DNAJB14: variants seen among roughly 807,000 people sequenced by gnomAD.
The protein encoded by DNAJB14 is DnaJ heat shock protein family (Hsp40) member B14.
Under a neutral mutation model 48.4 loss-of-function variants are expected in DNAJB14, and 22 were observed. The ratio of observed to expected loss-of-function variants is 0.45; its 90% CI spans 0.32 to 0.65. DNAJB14 has a LOEUF of 0.65. DNAJB14 is among the 30% of genes least tolerant of loss of function. The probability of loss-of-function intolerance (pLI) is 0.03; values close to 1 mark genes in which losing one functional copy is unlikely to be tolerated. For synonymous variants in DNAJB14, 142 were observed against 158.7 expected (o/e 0.89, Z 0.79); for missense variants, 319 against 458.8 (o/e 0.70, Z 2.78).
chr4:99,945,565 G>T (rs1727038894), intron 1 of DNAJB14, among the ~76,000 whole-genome samples: 1 of 152,076 alleles, frequency 6.6e-6, no homozygotes, highest in African/African-American at 2.4e-5. Flanking sequence ...TCATTCATTC[G>T]CTAATTCATT....
chr4:99,937,925 A>T (rs1238529120), intron 1 of DNAJB14, among the ~76,000 whole-genome samples: 1 of 128,648 alleles, frequency 7.8e-6, no homozygotes, highest in African/African-American at 3.2e-5. Context: ...TATTTATTTA[A>T]AAAAAAAAAA....
rs1355510631 is a variant in DNAJB14, at chr4:99,923,270, A to G, written c.306-85T>C. ...CTAATTTTTAATTTATTAGAATACT[A>G]TAAAGAACTATCTGTGGACTCTTTC... On this transcript the variant is annotated intron_variant, in intron 2 of 7. Coordinates refer to ENST00000442697, the MANE Select transcript of DNAJB14 (RefSeq NM_001031723.4). 13 of 1,201,580 alleles carry G rather than the reference A, an allele frequency of 1.1e-5. No individual in the cohort carries two copies. In the South Asian group the frequency reaches 2.2e-4, roughly 21 times the overall value. 74.4% of individuals were successfully genotyped at this position (1,201,580 alleles called of 1,614,324 possible).
At chr4:99,908,965 A>G (rs1397437842) in intron 3 of DNAJB14, 69 bp from the exon 4 acceptor site, 2 of 1,143,034 alleles carry the variant, frequency 1.7e-6, no homozygotes, top group Non-Finnish European at 2.4e-6. Context: ...CCACATAAAA[A>G]CTAACATCAT....
intron 5 of DNAJB14, 28 bp downstream of exon 5, chr4:99,906,489 A>C (rs780363796): frequency 6.2e-7 from 1 of 1,602,034 alleles, no homozygotes; most frequent in South Asian, 1.1e-5. Context: ...GAAATTTGCC[A>C]TTTTGTGATT....
In DNAJB14 at chr4:99,931,606, C is replaced by T. The variant is rs553793483; in HGVS notation, c.134-985G>A. Among the ~76,000 whole-genome samples, 4 of 152,084 alleles carry T rather than the reference C, an allele frequency of 2.6e-5. No homozygotes were observed. In the South Asian group the frequency reaches 8.3e-4, roughly 32 times the overall value. On this transcript the variant is annotated intron_variant, in intron 1 of 7. Transcript: ENST00000442697. ...TCATTGAGGATACAGATGACTTAGACATCAAATTTATAAGCTTTATCTAAG... is the reference window on the plus strand; with the variant it reads ...TCATTGAGGATACAGATGACTTAGATATCAAATTTATAAGCTTTATCTAAG...
At position 99,927,935 on chromosome 4, in the gene DNAJB14, TAAGAG is replaced by T. The variant is rs1300716759; in HGVS notation, c.305+2510_305+2514del. 10 of 152,204 alleles carry T rather than the reference TAAGAG, an allele frequency of 6.6e-5. No homozygotes were observed. The East Asian group carries it at 1.9e-3, about 29-fold the overall frequency. The allele number at this position is 152,204 out of a possible 1,614,324, so 9.4% of individuals were successfully genotyped here. On this transcript the variant is annotated intron_variant, in intron 2 of 7. Coordinates refer to ENST00000442697, the MANE Select transcript of DNAJB14 (RefSeq NM_001031723.4). ...AAAGCAACACTTATGAAGGCTAATA[TAAGAG>T]AAAAGGTATATTCAGCTAAGAAACT...
intron 3 of DNAJB14, among the ~76,000 whole-genome samples, chr4:99,922,217 G>A (rs528919892): frequency 1.3e-5 from 2 of 152,186 alleles, no homozygotes; most frequent in South Asian, 2.1e-4. Context: ...CAATCTTAAC[G>A]GTATTTTCAT....
rs1560753285 is a variant in DNAJB14, at chr4:99,946,456, G to A, written c.116C>T (p.Pro39Leu). The A allele has an allele frequency of 6.2e-7, 1 of 1,613,166 alleles. No homozygotes were observed. Among genetic ancestry groups the A allele is most frequent in the Admixed American group, 1.7e-5 (1 of 59,960 alleles). The change falls in exon 1 of 8, where the codon CCA (proline) becomes CTA (leucine). Residue 39 changes from proline to leucine, a missense_variant. Physicochemically the swap from Pro to Leu is moderately conservative, Grantham distance 98. Transcript: ENST00000442697. ...RFLQKAEKLY[P>L]LPSARALLEI... ...GGTCTCACCGCGGGCCGAGGGCAGT[G>A]GGTAGAGCTTCTCGGCCTTCTGCAG... is the stretch of plus-strand genomic sequence containing the variant.
chr4:99,918,244 T>G (rs1190430126), intron 3 of DNAJB14, among the ~76,000 whole-genome samples: 1 of 152,228 alleles, frequency 6.6e-6, no homozygotes, highest in African/African-American at 2.4e-5. Flanking sequence ...TATCTGTCCA[T>G]TCTGCTGTTT....
intron 6 of DNAJB14, among the ~76,000 whole-genome samples, chr4:99,904,752 T>A (rs1388889036): frequency 6.6e-6 from 1 of 151,914 alleles, no homozygotes; most frequent in Non-Finnish European, 1.5e-5. Flanking sequence ...GTAAAGTATC[T>A]CAATTTTTTG....
At chr4:99,917,192 C>T (rs1248440969) in intron 3 of DNAJB14, among the ~76,000 whole-genome samples, 4 of 152,114 alleles carry the variant, frequency 2.6e-5, no homozygotes, top group Non-Finnish European at 4.4e-5. Flanking sequence ...CATCTAAAAC[C>T]TTATCAATGT....
chr4:99,932,442 A>C (rs1179180781), intron 1 of DNAJB14, among the ~76,000 whole-genome samples: 1 of 152,158 alleles, frequency 6.6e-6, no homozygotes, highest in African/African-American at 2.4e-5. Context: ...TTAGGGAAAT[A>C]AAAATCAAAA....
At chr4:99,933,219 C>T (rs1726543391) in intron 1 of DNAJB14, among the ~76,000 whole-genome samples, 1 of 150,670 alleles carries the variant, frequency 6.6e-6, no homozygotes, top group African/African-American at 2.4e-5. Context: ...TCAATAATGT[C>T]TCAATAAAGT....
Position 99,898,214 on chromosome 4 carries a change from C to T in DNAJB14, c.*2814G>A, listed in dbSNP as rs1302722799. ...GTTCCTATGAACACCTGAGCTGGCA[C>T]AAAAGCTGAGTAGTTTAATGCATTG... On this transcript the variant is annotated 3_prime_UTR_variant, in exon 8 of 8. Transcript: ENST00000442697. 2.0e-5 allele frequency: 3 copies of T among 151,954 alleles called. No individual in the cohort carries two copies. Among genetic ancestry groups the T allele is most frequent in the Non-Finnish European group, 2.9e-5 (2 of 67,860 alleles). The allele number at this position is 151,954 out of a possible 1,614,324, so 9.4% of individuals were successfully genotyped here. A position where few individuals can be genotyped will look rare whatever the true frequency, so the allele number is the denominator to read the frequency against.
At chr4:99,912,989 C>A (rs187768191) in intron 3 of DNAJB14, among the ~76,000 whole-genome samples, 6 of 152,174 alleles carry the variant, frequency 3.9e-5, no homozygotes, top group Non-Finnish European at 2.9e-5. Flanking sequence ...TCTAAATATT[C>A]ATTGCTAGTA....
At chr4:99,924,669 T>A (rs1726182825) in intron 2 of DNAJB14, 2 of 1,534,048 alleles carry the variant, frequency 1.3e-6, no homozygotes, top group Non-Finnish European at 1.8e-6. Context: ...AAGAGAATGA[T>A]CCCACCTGTG....
chr4:99,909,999 A>C (rs1455968248), intron 3 of DNAJB14, among the ~76,000 whole-genome samples: 1 of 152,078 alleles, frequency 6.6e-6, no homozygotes, highest in Non-Finnish European at 1.5e-5. Flanking sequence ...GCAATACAGA[A>C]TATTTTAAAA....
chr4:99,923,722 G>C, intron 2 of DNAJB14: 1 of 973,926 alleles, frequency 1.0e-6, no homozygotes, highest in Non-Finnish European at 1.2e-6. Flanking sequence ...TTTTGATATA[G>C]ATGGGGTCTT....
chr4:99,920,544 A>T (rs1487698754), intron 3 of DNAJB14, among the ~76,000 whole-genome samples: 1 of 152,224 alleles, frequency 6.6e-6, no homozygotes, highest in Non-Finnish European at 1.5e-5. Flanking sequence ...TGTTTTAAAG[A>T]CATCTACATC....
Sources: gnomAD v4.1 joint callset for allele counts (sites outside exome capture counted in the v4.1 genomes callset) on GRCh38, gnomAD v4.1.1 for gene constraint, MANE v1.5 for transcripts, NCBI Gene and HGNC (gene_info 2026-07-23, HGNC 2026-07-21) for gene names.